The following SP3 variants were observed in gnomAD, a reference collection of about 807,000 sequenced individuals.
SP3 encodes Sp3 transcription factor.
Under a neutral mutation model 70.3 loss-of-function variants are expected in SP3, and 10 were observed. That is an observed-to-expected ratio of 0.14 (90% CI 0.09 to 0.24). SP3 has a LOEUF of 0.24. Ranked by LOEUF, SP3 falls within the 10% of genes least tolerant of loss-of-function variation. The probability of loss-of-function intolerance (pLI) is 1.00; values close to 1 mark genes in which losing one functional copy is unlikely to be tolerated. For missense variants in SP3, 825 were observed against 914.6 expected (o/e 0.90, Z 1.26); for synonymous variants, 402 against 333.5 (o/e 1.21, Z -2.24).
intron 6 of SP3, 106 bp from the exon 7 acceptor site, chr2:173,910,363 G>A: frequency 1.2e-6 from 1 of 816,438 alleles, no homozygotes; most frequent in East Asian, 2.7e-5. Flanking sequence ...GTGAGGATGG[G>A]AGCAGGGGTC....
intron 4 of SP3, among the ~76,000 whole-genome samples, chr2:173,944,013 A>G (rs1270554571): frequency 6.6e-6 from 1 of 152,232 alleles, no homozygotes; most frequent in Non-Finnish European, 1.5e-5. Flanking sequence ...ATCTAAACAT[A>G]ACAGAAAAGG....
intron 4 of SP3, among the ~76,000 whole-genome samples, chr2:173,923,827 G>C (rs1453660748): frequency 6.6e-6 from 1 of 151,198 alleles, no homozygotes; most frequent in Non-Finnish European, 1.5e-5. Context: ...CCTTTAATCA[G>C]CTTCACCTGC....
chr2:173,964,759 T>TCCTCCTCCTCTTTC lies in SP3; in HGVS notation c.8-220_8-207dup, dbSNP rs1247231189. 1.0e-5 allele frequency: 4 copies of TCCTCCTCCTCTTTC among 401,870 alleles called. No homozygotes were observed. The South Asian group carries it at 1.7e-4, about 17-fold the overall frequency. 24.9% of individuals were successfully genotyped at this position (401,870 alleles called of 1,614,324 possible). The stretch of plus-strand genomic sequence containing the variant: ...CGCCCGCCGCTGCCTGTAACCCTCC[T>TCCTCCTCCTCTTTC]CCTCCTCCTCTTTCCCTCCTCCTCC... On this transcript the variant is annotated intron_variant, in intron 1 of 6. Coordinates refer to ENST00000310015, the MANE Select transcript of SP3 (RefSeq NM_003111.5).
At chr2:173,936,741 A>G (rs964045283) in intron 4 of SP3, among the ~76,000 whole-genome samples, 2 of 152,092 alleles carry the variant, frequency 1.3e-5, no homozygotes, top group African/African-American at 4.8e-5. Context: ...ATTTAATAAT[A>G]CCTATTAATA....
chr2:173,938,679 T>C (rs1431401566), intron 4 of SP3, among the ~76,000 whole-genome samples: 1 of 151,842 alleles, frequency 6.6e-6, no homozygotes, highest in Admixed American at 6.6e-5. Context: ...ACAAGTGCTA[T>C]TAAACAAGCG....
At position 173,963,890 on chromosome 2, in the gene SP3, C is replaced by G. The variant is rs113303834; in HGVS notation, c.157-7G>C. 54 of 1,495,774 alleles carry G rather than the reference C, an allele frequency of 3.6e-5. 2 individuals are homozygous for G. Among genetic ancestry groups the G allele is most frequent in the South Asian group, 1.5e-4 (12 of 78,920 alleles). The allele number at this position is 1,495,774 out of a possible 1,614,324, so 92.7% of individuals were successfully genotyped here. A position where few individuals can be genotyped will look rare whatever the true frequency, so the allele number is the denominator to read the frequency against. On this transcript the variant is annotated splice_region_variant and splice_polypyrimidine_tract_variant and intron_variant, in intron 2 of 6. Coordinates refer to ENST00000310015, the MANE Select transcript of SP3 (RefSeq NM_003111.5). ...GCGGTGACGGCTGAGTGTCCTACCCCCAATGGGCGGGTTCAGAGAGGGAGA... is the reference window on the plus strand; with the variant it reads ...GCGGTGACGGCTGAGTGTCCTACCCGCAATGGGCGGGTTCAGAGAGGGAGA...
intron 4 of SP3, among the ~76,000 whole-genome samples, chr2:173,932,675 T>C (rs1300184156): frequency 6.6e-6 from 1 of 152,152 alleles, no homozygotes; most frequent in African/African-American, 2.4e-5. Context: ...AGACCACTGA[T>C]TACGGATCAC....
chr2:173,922,263 CAGAA>C (rs1166603198), intron 4 of SP3, among the ~76,000 whole-genome samples: 1 of 149,456 alleles, frequency 6.7e-6, no homozygotes, highest in Non-Finnish European at 1.5e-5. Context: ...GGAGCAAGAA[CAGAA>C]AGAAGTTAAA....
At chr2:173,911,980 G>A (rs1316112625) in intron 6 of SP3, among the ~76,000 whole-genome samples, 1 of 151,942 alleles carries the variant, frequency 6.6e-6, no homozygotes, top group Non-Finnish European at 1.5e-5. Context: ...CATCCGCCCG[G>A]CTATTCTTTG....
At chr2:173,922,616 G>T (rs1199818878) in intron 4 of SP3, among the ~76,000 whole-genome samples, 1 of 151,886 alleles carries the variant, frequency 6.6e-6, no homozygotes, top group African/African-American at 2.4e-5. Context: ...CCAGCATAGG[G>T]GACTGAGAGT....
rs1248049454 is a variant in SP3, at chr2:173,908,286, T to C, written c.*1655A>G. ...CTGATAAAACTGATATGAATCAATG[T>C]GGGCTAAGGGCTAAGACTTTTTTTC... On this transcript the variant is annotated 3_prime_UTR_variant, in exon 7 of 7. Coordinates refer to ENST00000310015, the MANE Select transcript of SP3 (RefSeq NM_003111.5). 6.6e-6 allele frequency: 1 copy of C among 152,180 alleles called. No individual in the cohort carries two copies. Among genetic ancestry groups the C allele is most frequent in the Admixed American group, 6.5e-5 (1 of 15,276 alleles). The allele number at this position is 152,180 out of a possible 1,614,324, so 9.4% of individuals were successfully genotyped here.
rs536537799 is a variant in SP3 at position 173,961,935 on chromosome 2, GTTTT to G, written c.279+1822_279+1825del. Among the ~76,000 whole-genome samples the G allele has an allele frequency of 6.2e-3, 499 of 81,000 alleles. 4 individuals carry two copies. Among genetic ancestry groups the G allele is most frequent in the Middle Eastern group, 9.1e-3 (1 of 110 alleles). The allele number at this position is 81,000 out of a possible 152,430, so 53.1% of individuals were successfully genotyped here. On this transcript the variant is annotated intron_variant, in intron 3 of 6. Coordinates refer to ENST00000310015, the MANE Select transcript of SP3 (RefSeq NM_003111.5). ...CAGACATCATAAATATATGGTTTGG[GTTTT>G]TTTTTTTTTTTTTTTTTTTTTAGGC...
intron 3 of SP3, among the ~76,000 whole-genome samples, chr2:173,959,478 C>T (rs574096421): frequency 3.9e-5 from 6 of 152,284 alleles, no homozygotes; most frequent in Non-Finnish European, 7.4e-5. Context: ...GTAATCCTAG[C>T]ACTGTGGGAG....
chr2:173,907,332 A>G lies in SP3; in HGVS notation c.*2609T>C, dbSNP rs924841385. 1 of 152,174 alleles carries G rather than the reference A, an allele frequency of 6.6e-6. No individual in the cohort carries two copies. The highest frequency in any genetic ancestry group is 1.5e-5 in the Non-Finnish European group (1 of 68,000). The allele number at this position is 152,174 out of a possible 1,614,324, so 9.4% of individuals were successfully genotyped here. A position where few individuals can be genotyped will look rare whatever the true frequency, so the allele number is the denominator to read the frequency against. ...TATACACAATACTAATAGGTTTTAT[A>G]ACCAGAAAAAGTTGACATCAGAGCA... On this transcript the variant is annotated 3_prime_UTR_variant, in exon 7 of 7. Transcript: ENST00000310015.
chr2:173,928,238 C>T (rs1003128965), intron 4 of SP3, among the ~76,000 whole-genome samples: 3 of 152,314 alleles, frequency 2.0e-5, no homozygotes, highest in South Asian at 2.1e-4. Flanking sequence ...AAGATGGCCA[C>T]GGCAGGTATA....
At chr2:173,912,992 A>G (rs1252722948) in intron 6 of SP3, 78 bp downstream of exon 6, 29 of 1,066,332 alleles carry the variant, frequency 2.7e-5, no homozygotes, top group Non-Finnish European at 3.2e-5. Context: ...TCAGTAAGGA[A>G]TGCTAATAAA....
At chr2:173,960,044 C>T (rs887106745) in intron 3 of SP3, among the ~76,000 whole-genome samples, 5 of 152,166 alleles carry the variant, frequency 3.3e-5, no homozygotes, top group African/African-American at 1.2e-4. Context: ...GTGGCACGTG[C>T]CTGTAGTCTC....
At position 173,906,137 on chromosome 2, in the gene SP3, A is replaced by G. The variant is rs745642747; in HGVS notation, c.*3804T>C. Among the ~76,000 whole-genome samples, 1 of 151,744 alleles carries G rather than the reference A, an allele frequency of 6.6e-6. No individual in the cohort carries two copies. The highest frequency in any genetic ancestry group is 1.5e-5 in the Non-Finnish European group (1 of 67,964). On this transcript the variant is annotated 3_prime_UTR_variant, in exon 7 of 7. Transcript: ENST00000310015. ...GGCAGCCCCTCTTAAAAATTTTTCC[A>G]CTCTGTCCCTCACAAAGTCCCCCAT...
intron 4 of SP3, among the ~76,000 whole-genome samples, chr2:173,932,313 TC>T (rs1184869685): frequency 6.6e-6 from 1 of 152,168 alleles, no homozygotes; most frequent in Non-Finnish European, 1.5e-5. Flanking sequence ...TGCCTCAGCC[TC>T]CCAAGTGGCT....
Sources: gnomAD v4.1 joint callset for allele counts (sites outside exome capture counted in the v4.1 genomes callset) on GRCh38, gnomAD v4.1.1 for gene constraint, MANE v1.5 for transcripts, NCBI Gene and HGNC (gene_info 2026-07-23, HGNC 2026-07-21) for gene names.